Variants in BCKDHB observed in about 807,000 individuals in gnomAD.
BCKDHB encodes 2-oxoisovalerate dehydrogenase subunit beta, mitochondrial.
BCKDHB carries 41 observed loss-of-function variants against 48.5 expected under a neutral mutation model. The ratio of observed to expected loss-of-function variants is 0.85; its 90% CI spans 0.66 to 1.10. The LOEUF is 1.10. Among genes scored for constraint, BCKDHB ranks in the 50% least tolerant of loss-of-function variants. The pLI, the probability that BCKDHB is intolerant of heterozygous loss-of-function variation, is 0.00. For missense variants in BCKDHB, 496 were observed against 494.2 expected (o/e 1.00, Z -0.03); for synonymous variants, 201 against 174.8 (o/e 1.15, Z -1.18).
chr6:80,416,173 T>C, the BCKDHB span, among the ~76,000 whole-genome samples: 1 of 151,894 alleles, frequency 6.6e-6, no homozygotes, highest in Admixed American at 6.6e-5. Context: ...CTTCTTAGTC[T>C]AGCTAGTGGT....
chr6:80,460,625 C>T, the BCKDHB span, among the ~76,000 whole-genome samples: 2 of 152,060 alleles, frequency 1.3e-5, no homozygotes, highest in South Asian at 2.1e-4. Context: ...AGACTTGGAG[C>T]TCCCTGACTT....
rs138100083 is a variant in BCKDHB at position 80,301,318 on chromosome 6, G to T, written c.1038+28097G>T. On this transcript the variant is annotated intron_variant, in intron 9 of 9. Transcript: ENST00000320393. ...ATTAACAAAGAATAAAATCAGAGAAGATCCAAATAAGTACAATTCGAGTTT... is the reference window on the plus strand; with the variant it reads ...ATTAACAAAGAATAAAATCAGAGAATATCCAAATAAGTACAATTCGAGTTT... Among the ~76,000 whole-genome samples, 825 of 152,136 alleles carry T rather than the reference G, an allele frequency of 5.4e-3. 3 individuals carry two copies. Among genetic ancestry groups the T allele is most frequent in the African/African-American group, 0.019 (771 of 41,494 alleles).
At chr6:80,223,943 A>G (rs1687760235) in intron 8 of BCKDHB, among the ~76,000 whole-genome samples, 2 of 152,196 alleles carry the variant, frequency 1.3e-5, no homozygotes, top group African/African-American at 4.8e-5. Flanking sequence ...GACCAGAAGA[A>G]TAGATGGTTG....
the BCKDHB span, among the ~76,000 whole-genome samples, chr6:80,387,122 C>T: frequency 6.6e-6 from 1 of 152,134 alleles, no homozygotes; most frequent in Non-Finnish European, 1.5e-5. Flanking sequence ...TTGTGGTCCT[C>T]CAGTTAAAGT....
At chr6:80,161,120 C>T (rs908894250) in intron 3 of BCKDHB, among the ~76,000 whole-genome samples, 1 of 152,200 alleles carries the variant, frequency 6.6e-6, no homozygotes, top group African/African-American at 2.4e-5. Context: ...GCTTGGTTTG[C>T]AGCACTTTGA....
intron 1 of BCKDHB, chr6:80,127,266 C>G: frequency 2.6e-6 from 1 of 386,880 alleles, no homozygotes; most frequent in Non-Finnish European, 4.9e-6. Flanking sequence ...TTCCATAGGT[C>G]TTATTGTCTA....
At chr6:80,423,368 A>C in the BCKDHB span, among the ~76,000 whole-genome samples, 1,689 of 152,342 alleles carry the variant, frequency 0.011, 17 homozygotes, top group African/African-American at 0.026. Context: ...AAACAGACTA[A>C]TACAGGCTCT....
At chr6:80,364,931 G>A in the BCKDHB span, among the ~76,000 whole-genome samples, 1 of 152,166 alleles carries the variant, frequency 6.6e-6, no homozygotes, top group Non-Finnish European at 1.5e-5. Context: ...TTACAGCTGG[G>A]CTACTGGGGG....
chr6:80,272,428 A>T (rs1777785660), intron 8 of BCKDHB, among the ~76,000 whole-genome samples: 1 of 152,168 alleles, frequency 6.6e-6, no homozygotes, highest in Admixed American at 6.6e-5. Context: ...TGATTTTAAT[A>T]GTTTTACCTG....
At position 80,239,075 on chromosome 6, in the gene BCKDHB, C is replaced by CTATAA. The variant is rs1224593617; in HGVS notation, c.952-34059_952-34058insATAAT. Among the ~76,000 whole-genome samples, 5 of 152,264 alleles carry CTATAA rather than the reference C, an allele frequency of 3.3e-5. No homozygotes were observed. The East Asian group carries it at 7.7e-4, about 23-fold the overall frequency. ...GCAATGAACATACGTGTGCATGTGT[C>CTATAA]TTTATAGTAGAATGATTTATAATCC... On this transcript the variant is annotated intron_variant, in intron 8 of 9. Coordinates refer to ENST00000320393, the MANE Select transcript of BCKDHB (RefSeq NM_183050.4).
chr6:80,405,875 G>A, the BCKDHB span, among the ~76,000 whole-genome samples: 89 of 152,208 alleles, frequency 5.8e-4, 1 homozygote, highest in African/African-American at 2.1e-3. Context: ...TGTGGAAAAC[G>A]AGCAGGTTTG....
chr6:80,233,922 A>G (rs1201868545), intron 8 of BCKDHB, among the ~76,000 whole-genome samples: 1 of 152,214 alleles, frequency 6.6e-6, no homozygotes, highest in African/African-American at 2.4e-5. Context: ...CAGTTTTTCC[A>G]CAGACTGGAA....
intron 6 of BCKDHB, among the ~76,000 whole-genome samples, chr6:80,187,628 C>T (rs1769017965): frequency 6.6e-6 from 1 of 152,154 alleles, no homozygotes; most frequent in East Asian, 1.9e-4. Context: ...AACAAACTTA[C>T]AACCCAAAAA....
intron 8 of BCKDHB, among the ~76,000 whole-genome samples, chr6:80,234,667 C>T (rs939513770): frequency 2.6e-5 from 4 of 151,964 alleles, no homozygotes; most frequent in Non-Finnish European, 5.9e-5. Flanking sequence ...GCCATGCGAC[C>T]CAGCAATCCC....
At chr6:80,106,983 C>G (rs1434823012) in intron 1 of BCKDHB, 94 bp downstream of exon 1, 4 of 1,442,280 alleles carry the variant, frequency 2.8e-6, no homozygotes, top group Non-Finnish European at 3.8e-6. Context: ...GGCTGCAATC[C>G]TTGCATCCCA....
At chr6:80,366,224 T>C in the BCKDHB span, among the ~76,000 whole-genome samples, 3 of 152,192 alleles carry the variant, frequency 2.0e-5, no homozygotes, top group Non-Finnish European at 4.4e-5. Flanking sequence ...TGGCTTCATG[T>C]TGAGAGGAAT....
chr6:80,405,728 T>TATTAGA, the BCKDHB span, among the ~76,000 whole-genome samples: 4 of 152,278 alleles, frequency 2.6e-5, no homozygotes, highest in East Asian at 7.7e-4. Context: ...TATTAGGAAG[T>TATTAGA]TTACATAAAA....
chr6:80,188,113 G>A (rs1773729823), intron 6 of BCKDHB, among the ~76,000 whole-genome samples: 1 of 152,118 alleles, frequency 6.6e-6, no homozygotes, highest in Non-Finnish European at 1.5e-5. Context: ...TAAAGAAAAT[G>A]TAGTATATAT....
At chr6:80,346,584 C>G (rs1258594976), downstream of BCKDHB, among the ~76,000 whole-genome samples, 15 of 152,146 alleles carry the variant, frequency 9.9e-5, no homozygotes, top group Non-Finnish European at 2.1e-4. Flanking sequence ...GTGAGATGGA[C>G]AGCCTAAGCC....
Sources: gnomAD v4.1 joint callset for allele counts (sites outside exome capture counted in the v4.1 genomes callset) on GRCh38, gnomAD v4.1.1 for gene constraint, MANE v1.5 for transcripts, NCBI Gene and HGNC (gene_info 2026-07-23, HGNC 2026-07-21) for gene names.